Variants in CGNL1 observed in about 807,000 individuals in gnomAD.
CGNL1 encodes cingulin like 1, also known as cingulin-like protein 1.
CGNL1 carries 132 observed loss-of-function variants against 141.2 expected under a neutral mutation model. The observed-to-expected ratio is 0.93, with a 90% CI of 0.81 to 1.08. The LOEUF (loss-of-function observed/expected upper bound fraction) is 1.08, where lower values mean the gene tolerates loss of function less well. Among genes scored for constraint, CGNL1 ranks in the 50% least tolerant of loss-of-function variants. The pLI is 0.00. For missense variants in CGNL1, 1,870 were observed against 1,588.6 expected, an observed-to-expected ratio of 1.18 and a Z score of -3.01; for synonymous variants, 690 against 622.1, an observed-to-expected ratio of 1.11 and a Z score of -1.63.
At position 57,528,662 on chromosome 15, in the gene CGNL1, G is replaced by C; in HGVS notation, c.3048G>C (p.Leu1016=). Residue 1016 remains leucine, a synonymous_variant, in exon 13 of 19, where the codon CTG becomes CTC. Transcript: ENST00000281282. ...GCTGTCTCTCCTCCTAGATGCGTCT[G>C]ATGGAGGAAGAGTTACGGGACTACC... ...TAMKMQDEMR[L]MEEELRDYQR... is the part of the protein sequence containing the mutation. 6.2e-7 allele frequency: 1 copy of C among 1,614,092 alleles called. No individual in the cohort carries two copies. Among genetic ancestry groups the C allele is most frequent in the South Asian group, 1.1e-5 (1 of 91,074 alleles).
intron 1 of CGNL1, among the ~76,000 whole-genome samples, chr15:57,434,270 T>C (rs1405516862): frequency 2.0e-5 from 3 of 152,140 alleles, no homozygotes; most frequent in African/African-American, 7.2e-5. Context: ...ACAAATTAAA[T>C]ACTGGAATTT....
chr15:57,507,362 T>G (rs1462619643), intron 8 of CGNL1, among the ~76,000 whole-genome samples: 1 of 152,238 alleles, frequency 6.6e-6, no homozygotes, highest in Non-Finnish European at 1.5e-5. Context: ...TTGTCGTAAC[T>G]TTTGTCTTGG....
At chr15:57,385,523 A>G (rs751696216) in intron 1 of CGNL1, among the ~76,000 whole-genome samples, 23 of 152,290 alleles carry the variant, frequency 1.5e-4, no homozygotes, top group Non-Finnish European at 3.1e-4. Flanking sequence ...CATCTCCTGT[A>G]TTTTCATTCC....
In CGNL1 at chr15:57,537,466, C is replaced by T. The variant is rs186461772; in HGVS notation, c.3291+5687C>T. 2.6e-3 allele frequency among the ~76,000 whole-genome samples: 397 copies of T among 151,886 alleles called. 6 individuals carry two copies. The highest frequency in any genetic ancestry group is 0.02 in the Admixed American group (312 of 15,278). Reference sequence around the variant, plus strand: ...TCTTTTTTTTTTTAATTGAAATGCTCCTAATCTCAGAACTGCCTTTTATTG... The same window carrying T: ...TCTTTTTTTTTTTAATTGAAATGCTTCTAATCTCAGAACTGCCTTTTATTG... On this transcript the variant is annotated intron_variant, in intron 14 of 18. Transcript: ENST00000281282.
At chr15:57,477,296 C>T (rs2063669023) in intron 8 of CGNL1, among the ~76,000 whole-genome samples, 1 of 152,090 alleles carries the variant, frequency 6.6e-6, no homozygotes, top group Non-Finnish European at 1.5e-5. Context: ...TTTTTTCCAT[C>T]CCTGAATTGT....
chr15:57,434,210 C>T (rs2063078123), intron 1 of CGNL1, among the ~76,000 whole-genome samples: 1 of 152,044 alleles, frequency 6.6e-6, no homozygotes, highest in African/African-American at 2.4e-5. Context: ...ATAATAATAA[C>T]ATTTATGAAA....
At chr15:57,426,772 A>G (rs1374462197) in intron 1 of CGNL1, among the ~76,000 whole-genome samples, 3 of 152,084 alleles carry the variant, frequency 2.0e-5, no homozygotes, top group Admixed American at 6.5e-5. Flanking sequence ...AGACACATTC[A>G]TGCTTTGAAA....
At chr15:57,443,166 A>G (rs1228885142) in intron 4 of CGNL1, among the ~76,000 whole-genome samples, 2 of 152,184 alleles carry the variant, frequency 1.3e-5, no homozygotes, top group Admixed American at 6.5e-5. Flanking sequence ...AGGGGACAGG[A>G]AAGAGCCCAG....
chr15:57,421,974 C>T lies in CGNL1; in HGVS notation c.-15-16011C>T, dbSNP rs150991853. Among the ~76,000 whole-genome samples the T allele has an allele frequency of 2.6e-4, 39 of 152,158 alleles. No homozygotes were observed. The East Asian group carries it at 7.3e-3, about 29-fold the overall frequency. ...TTTCGTTATTCAGTGTTCTTGGCTT[C>T]TTTAGATTGATCATCATGTCTTCTG... On this transcript the variant is annotated intron_variant, in intron 1 of 18. Transcript: ENST00000281282.
intron 8 of CGNL1, among the ~76,000 whole-genome samples, chr15:57,495,878 G>T (rs1204860713): frequency 2.0e-5 from 3 of 151,934 alleles, no homozygotes; most frequent in African/African-American, 4.8e-5. Flanking sequence ...CTATTTTCAT[G>T]TGAAAACATA....
intron 8 of CGNL1, among the ~76,000 whole-genome samples, chr15:57,472,044 T>C (rs578007399): frequency 6.6e-6 from 1 of 151,908 alleles, no homozygotes; most frequent in Non-Finnish European, 1.5e-5. Context: ...TTGAGTCCAG[T>C]TGGGTAAGAG....
rs1192360333 is a variant in CGNL1 at position 57,439,259 on chromosome 15, G to A, written c.1260G>A (p.Arg420=). 6.2e-7 allele frequency: 1 copy of A among 1,614,066 alleles called. No homozygotes were observed. The highest frequency in any genetic ancestry group is 8.5e-7 in the Non-Finnish European group (1 of 1,180,040). ...GCAAGTCAAGCGAACACCTCCTCCG[G>A]CCTTCCCAGGTGTGCCCGCAGCGGC... ...NLGKSSEHLL[R]PSQVCPQRPL... Residue 420 remains arginine, a synonymous_variant, in exon 2 of 19, where the codon CGG becomes CGA. Transcript: ENST00000281282.
chr15:57,538,517 G>A (rs992799041), intron 14 of CGNL1, among the ~76,000 whole-genome samples: 2 of 152,158 alleles, frequency 1.3e-5, no homozygotes, highest in East Asian at 3.9e-4. Flanking sequence ...CTCTCCAGGG[G>A]CCCTCCAGGG....
chr15:57,513,197 C>A (rs1270035302), intron 8 of CGNL1, among the ~76,000 whole-genome samples: 1 of 151,260 alleles, frequency 6.6e-6, no homozygotes, highest in Non-Finnish European at 1.5e-5. Flanking sequence ...AATCACTAAT[C>A]TATTTTCTGT....
intron 8 of CGNL1, among the ~76,000 whole-genome samples, chr15:57,498,849 G>A (rs929332302): frequency 3.3e-5 from 5 of 152,078 alleles, no homozygotes; most frequent in Non-Finnish European, 7.4e-5. Flanking sequence ...TTTTTTAAAA[G>A]CCAGTAGAAG....
chr15:57,438,840 C>A lies in CGNL1; in HGVS notation c.841C>A (p.Gln281Lys), dbSNP rs1163242408. ...TRPDVLPFRR[Q>K]DSAGPVLDGA... is the part of the protein sequence containing the mutation. ...GCCAGATGTTCTTCCCTTCCGGCGA[C>A]AGGATTCAGCGGGACCCGTCCTGGA... Residue 281 changes from glutamine (Q) to lysine (K), a missense_variant, in exon 2 of 19, where the codon CAG becomes AAG. Gln to Lys is a moderately conservative substitution (Grantham distance 53). Coordinates refer to ENST00000281282, the MANE Select transcript of CGNL1 (RefSeq NM_032866.5). 1 of 1,614,220 alleles carries A rather than the reference C, an allele frequency of 6.2e-7. No individual in the cohort carries two copies. The highest frequency in any genetic ancestry group is 1.1e-5 in the South Asian group (1 of 91,088).
At chr15:57,413,324 G>A (rs2062813608) in intron 1 of CGNL1, among the ~76,000 whole-genome samples, 1 of 141,460 alleles carries the variant, frequency 7.1e-6, no homozygotes, top group Admixed American at 7.3e-5. Context: ...CTATGCTGGA[G>A]TGCAGTGGCA....
intron 12 of CGNL1, among the ~76,000 whole-genome samples, chr15:57,525,906 A>G (rs1469353025): frequency 6.6e-6 from 1 of 152,076 alleles, no homozygotes; most frequent in Non-Finnish European, 1.5e-5. Flanking sequence ...AAAAAATCAC[A>G]TTCATTACTA....
At chr15:57,414,661 AAACAAC>A (rs10527352) in intron 1 of CGNL1, among the ~76,000 whole-genome samples, 1 of 151,240 alleles carries the variant, frequency 6.6e-6, no homozygotes, top group Non-Finnish European at 1.5e-5. Context: ...TTTAAAACCA[AAACAAC>A]AACAACAACA....
Sources: allele counts gnomAD v4.1 joint callset (sites outside exome capture counted in the v4.1 genomes callset), GRCh38; gene constraint gnomAD v4.1.1; transcripts MANE v1.5; gene names NCBI Gene and HGNC (gene_info 2026-07-23, HGNC 2026-07-21).